The following DYNC2H1 variants were observed in gnomAD, a reference collection of about 807,000 sequenced individuals.
The protein encoded by DYNC2H1 is dynein cytoplasmic 2 heavy chain 1.
DYNC2H1 carries 410 observed loss-of-function variants against 570.0 expected under a neutral mutation model. The ratio of observed to expected loss-of-function variants is 0.72; its 90% CI spans 0.66 to 0.78. DYNC2H1 has a LOEUF of 0.78. Ranked by LOEUF, DYNC2H1 falls within the 30% of genes least tolerant of loss-of-function variation. The pLI is 0.00. For synonymous variants in DYNC2H1, 1,688 were observed against 1,677.6 expected (o/e 1.01, Z -0.15); for missense variants, 4,865 against 5,046.4 (o/e 0.96, Z 1.09).
At chr11:103,442,303 T>C (rs927764749) in intron 85 of DYNC2H1, among the ~76,000 whole-genome samples, 2 of 152,028 alleles carry the variant, frequency 1.3e-5, no homozygotes, top group Non-Finnish European at 2.9e-5. Context: ...AGCAAACAAA[T>C]AAATATGTTA....
intron 70 of DYNC2H1, among the ~76,000 whole-genome samples, chr11:103,274,689 G>C (rs142792688): frequency 6.6e-6 from 1 of 152,076 alleles, no homozygotes; most frequent in African/African-American, 2.4e-5. Flanking sequence ...TAATTCTCAT[G>C]GTAGTTGTTT....
In DYNC2H1 at chr11:103,109,533, T is replaced by C. The variant is rs1350210699; in HGVS notation, c.-42T>C. Reference sequence around the variant, plus strand: ...CACTTCCCTCCGGACTGGTTTCTTCTTCCTTCCCCCTTCCCCCAACTTCCC... The same window carrying C: ...CACTTCCCTCCGGACTGGTTTCTTCCTCCTTCCCCCTTCCCCCAACTTCCC... On this transcript the variant is annotated 5_prime_UTR_variant, in exon 1 of 89. Coordinates refer to ENST00000375735, the MANE Select transcript of DYNC2H1 (RefSeq NM_001377.3). 4 of 1,583,478 alleles carry C rather than the reference T, an allele frequency of 2.5e-6. No homozygotes were observed. The highest frequency in any genetic ancestry group is 3.4e-6 in the Non-Finnish European group (4 of 1,159,756).
In DYNC2H1 at chr11:103,344,825, A is replaced by G. The variant is rs548648464; in HGVS notation, c.12040-13418A>G. Among the ~76,000 whole-genome samples, 8 of 152,318 alleles carry G rather than the reference A, an allele frequency of 5.3e-5. No individual in the cohort carries two copies. The East Asian group carries it at 1.4e-3, about 26-fold the overall frequency. On this transcript the variant is annotated intron_variant, in intron 82 of 88. Transcript: ENST00000375735. The stretch of plus-strand genomic sequence containing the variant: ...TTTAATATATTAATGAGTAATTAAA[A>G]CATTACAAGTGTGAGGATATAATGA...
intron 75 of DYNC2H1, among the ~76,000 whole-genome samples, chr11:103,300,442 G>A (rs1404959975): frequency 1.3e-5 from 2 of 151,932 alleles, no homozygotes; most frequent in Admixed American, 1.3e-4. Flanking sequence ...TCATATTGAT[G>A]ATTCTGATGG....
In DYNC2H1 at chr11:103,203,561, T is replaced by G; in HGVS notation, c.8198-102T>G. On this transcript the variant is annotated intron_variant, in intron 50 of 88. Transcript: ENST00000375735. The surrounding 1 kb of genome is among the most constrained non-coding windows in gnomAD (Gnocchi z 4.7). ...AAGTAGAGGTAATAAAGTTTGTATA[T>G]TTTTGGAAATAAAGATTGAATAAGA... 1.4e-6 allele frequency: 1 copy of G among 691,348 alleles called. No homozygotes were observed. Among genetic ancestry groups the G allele is most frequent in the Non-Finnish European group, 2.3e-6 (1 of 432,462 alleles). 42.8% of individuals were successfully genotyped at this position (691,348 alleles called of 1,614,324 possible). A position where few individuals can be genotyped will look rare whatever the true frequency, so the allele number is the denominator to read the frequency against.
Position 103,479,240 on chromosome 11 carries a change from T to C in DYNC2H1, c.12911T>C (p.Leu4304Pro), listed in dbSNP as rs1591816257. The C allele has an allele frequency of 6.2e-7, 1 of 1,610,764 alleles. No individual in the cohort carries two copies. The highest frequency in any genetic ancestry group is 8.5e-7 in the Non-Finnish European group (1 of 1,178,492). ...QWIQCGAALF[L>P]KNQ ...ATTCAGTGTGGAGCAGCTCTATTCCTAAAAAATCAGTAGAATCTAATGACA... is the reference window on the plus strand; with the variant it reads ...ATTCAGTGTGGAGCAGCTCTATTCCCAAAAAATCAGTAGAATCTAATGACA... The change falls in exon 89 of 89, where the codon CTA becomes CCA. Residue 4304 changes from leucine to proline, a missense_variant. Leu to Pro is a moderately conservative substitution (Grantham distance 98, BLOSUM62 -3). Coordinates refer to ENST00000375735, the MANE Select transcript of DYNC2H1 (RefSeq NM_001377.3).
At chr11:103,383,856 A>G (rs987427480) in intron 83 of DYNC2H1, among the ~76,000 whole-genome samples, 2 of 152,134 alleles carry the variant, frequency 1.3e-5, no homozygotes, top group Admixed American at 6.5e-5. Flanking sequence ...CTTGATAGGC[A>G]TGTTTTCATT....
chr11:103,191,590 T>A lies in DYNC2H1; in HGVS notation c.7511T>A (p.Leu2504His), dbSNP rs1308568498. The A allele has an allele frequency of 6.2e-7, 1 of 1,609,368 alleles. No homozygotes were observed. Among genetic ancestry groups the A allele is most frequent in the East Asian group, 2.2e-5 (1 of 44,684 alleles). Reference sequence around the variant, plus strand: ...CCTTGCATTCTTACCCAATGGGTTCTTGGCTTATTTAGATATGATTTAGAA... The same window carrying A: ...CCTTGCATTCTTACCCAATGGGTTCATGGCTTATTTAGATATGATTTAGAA... Reference protein sequence around the residue: ...FTPCILTQWVLGLFRYDLEGG... With the variant: ...FTPCILTQWVHGLFRYDLEGG... The change falls in exon 46 of 89, where the codon CTT becomes CAT. Residue 2504 changes from leucine (L) to histidine (H), a missense_variant. Physicochemically the swap from Leu to His is moderately conservative, Grantham distance 99. Coordinates refer to ENST00000375735, the MANE Select transcript of DYNC2H1 (RefSeq NM_001377.3).
chr11:103,439,605 C>T lies in DYNC2H1; in HGVS notation c.12456+3573C>T, dbSNP rs1271686091. Among the ~76,000 whole-genome samples, 2 of 152,020 alleles carry T rather than the reference C, an allele frequency of 1.3e-5. No homozygotes were observed. Among genetic ancestry groups the T allele is most frequent in the East Asian group, 1.9e-4 (1 of 5,178 alleles). On this transcript the variant is annotated intron_variant, in intron 85 of 88. Transcript: ENST00000375735. This position sits in a 1 kb window ranked among gnomAD's most constrained non-coding sequence, Gnocchi z 4.1. The stretch of plus-strand genomic sequence containing the variant: ...CTACTTTGTGGCAAAAGGTTTAAGA[C>T]TCCTCTGAATACTCTTAATTTAGAG...
At chr11:103,135,450 C>T (rs1177195860) in intron 15 of DYNC2H1, 45 bp from the exon 16 acceptor site, 11 of 1,411,838 alleles carry the variant, frequency 7.8e-6, no homozygotes, top group Non-Finnish European at 1.0e-5. Context: ...AAAATCCATT[C>T]TACTGCCTAA....
At chr11:103,142,999 G>A (rs1193956675) in intron 17 of DYNC2H1, among the ~76,000 whole-genome samples, 3 of 152,110 alleles carry the variant, frequency 2.0e-5, no homozygotes, top group East Asian at 1.9e-4. Context: ...CACCTTTGAA[G>A]TTTTGTATTA....
Position 103,125,315 on chromosome 11 carries a change from G to A in DYNC2H1, c.1857+20G>A. ...AAACAAGTATGAAATTACATTTTTT[G>A]AATACCTGCCTATTTGGAGTTCATT... On this transcript the variant is annotated intron_variant, in intron 12 of 88. Transcript: ENST00000375735. 7.0e-7 allele frequency: 1 copy of A among 1,423,058 alleles called. No homozygotes were observed. The highest frequency in any genetic ancestry group is 9.5e-7 in the Non-Finnish European group (1 of 1,053,130). The allele number at this position is 1,423,058 out of a possible 1,614,324, so 88.2% of individuals were successfully genotyped here. A position where few individuals can be genotyped will look rare whatever the true frequency, so the allele number is the denominator to read the frequency against.
intron 75 of DYNC2H1, among the ~76,000 whole-genome samples, chr11:103,300,287 AT>A (rs1167261827): frequency 6.6e-6 from 1 of 151,998 alleles, no homozygotes; most frequent in Non-Finnish European, 1.5e-5. Flanking sequence ...TCTTATTCTT[AT>A]TTTTTTGAAG....
chr11:103,288,711 GA>G (rs1866459449), intron 75 of DYNC2H1, among the ~76,000 whole-genome samples: 3 of 74,226 alleles, frequency 4.0e-5, no homozygotes, highest in Non-Finnish European at 8.3e-5. Flanking sequence ...AAAAAAAAAA[GA>G]AAAGAAAGTA....
intron 85 of DYNC2H1, 97 bp from the exon 86 acceptor site, chr11:103,455,089 T>G (rs756323790): frequency 5.6e-5 from 44 of 781,708 alleles, no homozygotes; most frequent in Non-Finnish European, 8.4e-5. Context: ...TTCAGAGCAT[T>G]TGGAAGCTGA....
In DYNC2H1 at chr11:103,270,892, A is replaced by G. The variant is rs369978074; in HGVS notation, c.10696-9456A>G. 5.9e-5 allele frequency among the ~76,000 whole-genome samples: 9 copies of G among 152,162 alleles called. No homozygotes were observed. The East Asian group carries it at 1.5e-3, about 26-fold the overall frequency. ...CTGAATCCACAGGAATTAGAATACT[A>G]TATTCTTACTGTTTCCCTTACTTCT... is the stretch of plus-strand genomic sequence containing the variant. On this transcript the variant is annotated intron_variant, in intron 70 of 88. Transcript: ENST00000375735.
At chr11:103,182,544 A>G (rs941664446) in intron 40 of DYNC2H1, among the ~76,000 whole-genome samples, 1 of 151,878 alleles carries the variant, frequency 6.6e-6, no homozygotes, top group Non-Finnish European at 1.5e-5. Context: ...GAAAAATGAC[A>G]TGCAAACAGA....
At chr11:103,230,699 T>G (rs1863971608) in intron 59 of DYNC2H1, among the ~76,000 whole-genome samples, 3 of 152,214 alleles carry the variant, frequency 2.0e-5, no homozygotes, top group Non-Finnish European at 4.4e-5. Flanking sequence ...TTTTAGCTTT[T>G]GGCTTTTTGC....
rs532854505 is a variant in DYNC2H1, at chr11:103,188,692, CAT to C, written c.7292+50_7292+51del. On this transcript the variant is annotated intron_variant, in intron 44 of 88. Transcript: ENST00000375735. ...CAGATTTTTTAATTTGGGAAGATAT[CAT>C]ATATAAATGAATTTTATTTAAAGTA... 1.3e-3 allele frequency: 1,761 copies of C among 1,350,488 alleles called. 3 individuals are homozygous for C. The highest frequency in any genetic ancestry group is 2.3e-3 in the Admixed American group (85 of 36,844). The allele number at this position is 1,350,488 out of a possible 1,614,324, so 83.7% of individuals were successfully genotyped here.
Sources: allele counts gnomAD v4.1 joint callset (sites outside exome capture counted in the v4.1 genomes callset), GRCh38; gene constraint gnomAD v4.1.1; non-coding constraint Gnocchi (gnomAD v3.1); transcripts MANE v1.5; gene names NCBI Gene and HGNC (gene_info 2026-07-23, HGNC 2026-07-21).